Variants in CYFIP2 observed in about 807,000 individuals in gnomAD.
CYFIP2 encodes the protein cytoplasmic FMR1-interacting protein 2.
Under a neutral mutation model 158.7 loss-of-function variants are expected in CYFIP2, and 29 were observed. The observed-to-expected ratio is 0.18, with a 90% CI of 0.14 to 0.25. The LOEUF is 0.25. Ranked by LOEUF, CYFIP2 falls within the 10% of genes least tolerant of loss-of-function variation. The pLI is 1.00. For missense variants in CYFIP2, 852 were observed against 1,639.5 expected, an observed-to-expected ratio of 0.52 and a Z score of 8.29; for synonymous variants, 585 against 617.6, an observed-to-expected ratio of 0.95 and a Z score of 0.78.
At position 157,326,242 on chromosome 5, in the gene CYFIP2, T is replaced by A; in HGVS notation, c.2054T>A (p.Phe685Tyr). The A allele has an allele frequency of 6.2e-7, 1 of 1,613,800 alleles. No homozygotes were observed. Among genetic ancestry groups the A allele is most frequent in the Non-Finnish European group, 8.5e-7 (1 of 1,179,694 alleles). The change falls in exon 18 of 31, where the codon TTC becomes TAC. Residue 685 changes from phenylalanine (F) to tyrosine (Y), a missense_variant. Coordinates refer to ENST00000620254, the MANE Select transcript of CYFIP2 (RefSeq NM_001037333.3). Reference sequence around the variant, plus strand: ...GCTCTGACCAAGTTTAAAAAGCAGTTCCTGTACGATGAGATAGAAGCTGAG... The same window carrying A: ...GCTCTGACCAAGTTTAAAAAGCAGTACCTGTACGATGAGATAGAAGCTGAG... ...YYALTKFKKQ[F>Y]LYDEIEAEVN...
At chr5:157,274,222 C>T (rs1461489147) in intron 1 of CYFIP2, among the ~76,000 whole-genome samples, 2 of 151,888 alleles carry the variant, frequency 1.3e-5, no homozygotes, top group African/African-American at 2.4e-5. Flanking sequence ...AGCATTTTAG[C>T]ACCCCAAAAA....
intron 13 of CYFIP2, 55 bp downstream of exon 13, chr5:157,315,149 G>A (rs1234575559): frequency 1.4e-5 from 22 of 1,602,366 alleles, no homozygotes; most frequent in Non-Finnish European, 1.9e-5. Flanking sequence ...GCTCATGGTG[G>A]TTCCTGAGTA....
intron 23 of CYFIP2, 126 bp from the exon 24 acceptor site, chr5:157,358,878 TG>T: frequency 8.2e-7 from 1 of 1,225,378 alleles, no homozygotes; most frequent in Non-Finnish European, 1.2e-6. Context: ...AACATATTCA[TG>T]GGGCTCCAGT....
chr5:157,323,015 TG>T, intron 15 of CYFIP2: 7 of 1,536,040 alleles, frequency 4.6e-6, no homozygotes, highest in Non-Finnish European at 6.1e-6. Context: ...TGCCGATCCC[TG>T]GTATCACACC....
intron 11 of CYFIP2, among the ~76,000 whole-genome samples, chr5:157,313,025 C>T (rs1759866913): frequency 6.6e-6 from 1 of 152,176 alleles, no homozygotes; most frequent in Non-Finnish European, 1.5e-5. Context: ...ACTCTTAATT[C>T]CTACTCTCAT....
intron 26 of CYFIP2, among the ~76,000 whole-genome samples, chr5:157,371,843 C>G (rs1430488813): frequency 6.6e-6 from 1 of 152,100 alleles, no homozygotes; most frequent in African/African-American, 2.4e-5. Context: ...ACCTTTTTTG[C>G]TTTTACTGTC....
intron 12 of CYFIP2, 122 bp from the exon 13 acceptor site, chr5:157,314,847 A>G: frequency 1.3e-6 from 1 of 787,380 alleles, no homozygotes; most frequent in Non-Finnish European, 2.0e-6. Flanking sequence ...TTCATGTTGT[A>G]GCATGAATCA....
intron 13 of CYFIP2, among the ~76,000 whole-genome samples, chr5:157,317,962 T>G (rs112249240): frequency 3.3e-4 from 51 of 152,342 alleles, no homozygotes; most frequent in African/African-American, 1.2e-3. Context: ...TCCTCATTAT[T>G]TATTATCTTG....
chr5:157,289,368 C>G (rs893275889), intron 3 of CYFIP2, among the ~76,000 whole-genome samples: 1 of 152,176 alleles, frequency 6.6e-6, no homozygotes, highest in Non-Finnish European at 1.5e-5. Flanking sequence ...AATAAAGGGT[C>G]GGGGCATAGA....
At chr5:157,392,771 T>TAC in intron 30 of CYFIP2, 62 bp from the exon 31 acceptor site, 1 of 1,575,312 alleles carries the variant, frequency 6.3e-7, no homozygotes, top group South Asian at 1.2e-5. Flanking sequence ...CTTCTCCTGT[T>TAC]ACTCCCTCTT....
intron 26 of CYFIP2, among the ~76,000 whole-genome samples, chr5:157,367,772 T>TTTA (rs748476018): frequency 6.7e-6 from 1 of 148,836 alleles, no homozygotes. Context: ...TTTTTTTTTT[T>TTTA]AAGACAGAGT....
At chr5:157,365,461 A>G (rs1451137976) in intron 26 of CYFIP2, 3 of 152,130 alleles carry the variant, frequency 2.0e-5, no homozygotes, top group Non-Finnish European at 2.9e-5. Flanking sequence ...ATATTTCTCA[A>G]AATTCAGGGT....
At chr5:157,278,684 C>T (rs555906922) in intron 1 of CYFIP2, among the ~76,000 whole-genome samples, 1 of 152,308 alleles carries the variant, frequency 6.6e-6, no homozygotes, top group South Asian at 2.1e-4. Context: ...AATAAACCTT[C>T]CTTTTTTTGG....
chr5:157,330,240 ATGTGTGTGTGTGTGTGTGTGTGTGTG>A (rs58447290), intron 19 of CYFIP2, among the ~76,000 whole-genome samples: 6 of 144,322 alleles, frequency 4.2e-5, no homozygotes, highest in East Asian at 2.0e-4. Context: ...GAGATTTAAA[ATGTGTGTGTGTGTGTGTGTGTGTGTG>A]TGTGTGTGTG....
intron 1 of CYFIP2, among the ~76,000 whole-genome samples, chr5:157,273,608 C>G (rs1756292893): frequency 6.6e-6 from 1 of 152,000 alleles, no homozygotes; most frequent in Non-Finnish European, 1.5e-5. Flanking sequence ...ATCTATTACT[C>G]TTTTCCTCCC....
At chr5:157,343,633 A>T in intron 23 of CYFIP2, 2 of 1,022,462 alleles carry the variant, frequency 2.0e-6, no homozygotes, top group Non-Finnish European at 2.8e-6. Context: ...CACATTTGAG[A>T]CGGGCACTCA....
chr5:157,392,387 A>G (rs924917911), intron 30 of CYFIP2, among the ~76,000 whole-genome samples: 3 of 152,092 alleles, frequency 2.0e-5, no homozygotes, highest in Non-Finnish European at 4.4e-5. Flanking sequence ...ATCCATTCTG[A>G]GTTAATTTTT....
chr5:157,288,745 G>A (rs566009157), intron 3 of CYFIP2: 1 of 412,304 alleles, frequency 2.4e-6, no homozygotes, highest in East Asian at 7.6e-5. Flanking sequence ...TCCTGCAGCT[G>A]ACAAGTGACA....
chr5:157,282,945 T>C (rs948993867), intron 1 of CYFIP2, among the ~76,000 whole-genome samples: 22 of 152,252 alleles, frequency 1.4e-4, no homozygotes, highest in African/African-American at 5.1e-4. Flanking sequence ...ACATGATTTT[T>C]TGGCACAAGC....
Sources: allele counts gnomAD v4.1 joint callset (sites outside exome capture counted in the v4.1 genomes callset), GRCh38; gene constraint gnomAD v4.1.1; transcripts MANE v1.5; gene names NCBI Gene and HGNC (gene_info 2026-07-23, HGNC 2026-07-21).